PUM2: variants seen among roughly 807,000 people sequenced by gnomAD.
PUM2 encodes pumilio homolog 2.
Under a neutral mutation model 124.5 loss-of-function variants are expected in PUM2, and 57 were observed. That is an observed-to-expected ratio of 0.46 (90% CI 0.37 to 0.57). PUM2 has a LOEUF of 0.57. Ranked by LOEUF, PUM2 falls within the 20% of genes least tolerant of loss-of-function variation. PUM2 has a pLI of 0.00. For synonymous variants in PUM2, 460 were observed against 446.1 expected (o/e 1.03, Z -0.39); for missense variants, 1,065 against 1,290.6 (o/e 0.83, Z 2.68).
Position 20,303,755 on chromosome 2 carries a change from G to A in PUM2, c.883+4223C>T, listed in dbSNP as rs62123456. On this transcript the variant is annotated intron_variant, in intron 7 of 20. Transcript: ENST00000361078. ...CGTTTTATATCCTAATTCATTTAGCGGTAGGTGATAGCCAATTATGCAGCT... is the reference window on the plus strand; with the variant it reads ...CGTTTTATATCCTAATTCATTTAGCAGTAGGTGATAGCCAATTATGCAGCT... Among the ~76,000 whole-genome samples the A allele has an allele frequency of 4.7e-3, 719 of 152,200 alleles. 2 individuals are homozygous for A. Among genetic ancestry groups the A allele is most frequent in the Middle Eastern group, 0.02 (6 of 294 alleles).
In PUM2 at chr2:20,283,167, C is replaced by T. The variant is rs1479040906; in HGVS notation, c.1500G>A (p.Arg500=). The T allele has an allele frequency of 1.2e-6, 2 of 1,614,064 alleles. No homozygotes were observed. The highest frequency in any genetic ancestry group is 1.3e-5 in the African/African-American group (1 of 75,042). Residue 500 remains arginine (R), a synonymous_variant, in exon 12 of 21, where the codon CGG becomes CGA. Coordinates refer to ENST00000361078, the MANE Select transcript of PUM2 (RefSeq NM_015317.5). The part of the protein sequence containing the change: ...SLTGSTNGLF[R]PIGTQPPQQQ... ...GCTGTGGTGGCTGAGTGCCAATTGGCCGAAACAGACCATTTGTGCTGCCTG... is the reference window on the plus strand; with the variant it reads ...GCTGTGGTGGCTGAGTGCCAATTGGTCGAAACAGACCATTTGTGCTGCCTG...
chr2:20,260,059 C>T (rs543315953), intron 15 of PUM2, among the ~76,000 whole-genome samples: 1 of 152,278 alleles, frequency 6.6e-6, no homozygotes, highest in Admixed American at 6.5e-5. Flanking sequence ...TTTTCATGGC[C>T]TATGTGGCCT....
At chr2:20,290,541 C>G in intron 10 of PUM2, 111 bp downstream of exon 10, 1 of 1,150,128 alleles carries the variant, frequency 8.7e-7, no homozygotes, top group Non-Finnish European at 1.2e-6. Flanking sequence ...TATTTTGTTA[C>G]AAGGTAGGCA....
chr2:20,253,954 G>T lies in PUM2; in HGVS notation c.2931C>A (p.Asp977Glu), dbSNP rs367960155. The change falls in exon 20 of 21, where the codon GAC (aspartate) becomes GAA (glutamate). Residue 977 changes from aspartate to glutamate, a missense_variant. Asp to Glu is a conservative substitution (Grantham distance 45, BLOSUM62 2). This residue lies in a region of PUM2 where 968 missense variants were observed against 1,159.8 expected (regional missense o/e 0.83). Coordinates refer to ENST00000361078, the MANE Select transcript of PUM2 (RefSeq NM_015317.5). ...GACCATCATTCTGGCAGCAAACCTCGTCAATCAGTAAAGCTCTCTCAGCAC... is the reference window on the plus strand; with the variant it reads ...GACCATCATTCTGGCAGCAAACCTCTTCAATCAGTAAAGCTCTCTCAGCAC... Reference protein sequence around the residue: ...ASRAERALLIDEVCCQNDGPH... With the variant: ...ASRAERALLIEEVCCQNDGPH... The T allele has an allele frequency of 6.2e-7, 1 of 1,613,922 alleles. No homozygotes were observed. Among genetic ancestry groups the T allele is most frequent in the African/African-American group, 1.3e-5 (1 of 74,892 alleles).
chr2:20,298,919 C>A (rs1676302247), intron 7 of PUM2, among the ~76,000 whole-genome samples: 1 of 152,156 alleles, frequency 6.6e-6, no homozygotes, highest in Non-Finnish European at 1.5e-5. Flanking sequence ...CTTACTAGGC[C>A]TTAAAATCAA....
At chr2:20,337,639 T>G (rs918301614) in intron 1 of PUM2, among the ~76,000 whole-genome samples, 1 of 152,228 alleles carries the variant, frequency 6.6e-6, no homozygotes, top group African/African-American at 2.4e-5. Context: ...AGTTACACAA[T>G]TCAGACAAAA....
At chr2:20,320,537 T>C (rs1375909794) in intron 2 of PUM2, among the ~76,000 whole-genome samples, 1 of 152,124 alleles carries the variant, frequency 6.6e-6, no homozygotes. Context: ...ACTAAATGTT[T>C]TAATTAAAAA....
intron 12 of PUM2, among the ~76,000 whole-genome samples, chr2:20,282,190 G>A (rs143497237): frequency 3.1e-4 from 47 of 152,284 alleles, no homozygotes; most frequent in African/African-American, 1.1e-3. Flanking sequence ...AAAACACCAA[G>A]TGTATCAACA....
intron 1 of PUM2, among the ~76,000 whole-genome samples, chr2:20,330,612 C>T (rs1256932898): frequency 6.6e-6 from 1 of 152,202 alleles, no homozygotes; most frequent in Non-Finnish European, 1.5e-5. Flanking sequence ...CATCCTAATG[C>T]ATCTCTTCCA....
chr2:20,326,164 A>T, intron 2 of PUM2: 1 of 1,091,328 alleles, frequency 9.2e-7, no homozygotes. Flanking sequence ...AAAAAAATTC[A>T]ATTTCTTCAA....
chr2:20,300,880 C>T (rs1259627380), intron 7 of PUM2, among the ~76,000 whole-genome samples: 9 of 151,984 alleles, frequency 5.9e-5, no homozygotes, highest in Non-Finnish European at 1.2e-4. Flanking sequence ...TCAAAGTCAT[C>T]GCTCTGCTCA....
At chr2:20,350,309 G>T (rs960835540) in intron 1 of PUM2, 34 of 279,572 alleles carry the variant, frequency 1.2e-4, no homozygotes, top group Non-Finnish European at 1.6e-4. Context: ...ATCGGAGGGA[G>T]AACCGGGTCG....
At chr2:20,285,493 G>A (rs554939832) in intron 10 of PUM2, among the ~76,000 whole-genome samples, 37 of 152,178 alleles carry the variant, frequency 2.4e-4, no homozygotes, top group South Asian at 1.0e-3. Context: ...TACCTTTTAC[G>A]TATTGGGAAA....
intron 12 of PUM2, 149 bp downstream of exon 12, chr2:20,282,798 A>G (rs1435613571): frequency 7.6e-6 from 7 of 920,248 alleles, no homozygotes; most frequent in East Asian, 2.7e-5. Flanking sequence ...GATTTGCAGG[A>G]TTTTTTTTTC....
intron 1 of PUM2, among the ~76,000 whole-genome samples, chr2:20,347,839 G>A (rs1688540169): frequency 6.6e-6 from 1 of 152,168 alleles, no homozygotes; most frequent in African/African-American, 2.4e-5. Flanking sequence ...TGGAAATGGG[G>A]AGTCTAACTT....
chr2:20,334,147 A>AT (rs1163670545), intron 1 of PUM2, among the ~76,000 whole-genome samples: 4 of 151,944 alleles, frequency 2.6e-5, no homozygotes, highest in African/African-American at 4.8e-5. Context: ...TACAAAAAAA[A>AT]TTTTTTTTTA....
intron 1 of PUM2, among the ~76,000 whole-genome samples, chr2:20,345,650 G>A (rs929277031): frequency 6.6e-6 from 1 of 151,634 alleles, no homozygotes; most frequent in Admixed American, 6.6e-5. Context: ...GAAGCAGGTG[G>A]ATCACTTGAG....
intron 3 of PUM2, among the ~76,000 whole-genome samples, chr2:20,314,303 C>G (rs1049171058): frequency 1.3e-5 from 2 of 152,154 alleles, no homozygotes; most frequent in Middle Eastern, 6.8e-3. Flanking sequence ...AGTAATACCA[C>G]AGAATTTTCT....
chr2:20,318,195 T>A (rs770126160), intron 3 of PUM2, among the ~76,000 whole-genome samples: 1 of 152,212 alleles, frequency 6.6e-6, no homozygotes, highest in Non-Finnish European at 1.5e-5. Context: ...CTCACCAGCA[T>A]CTTATTTTTT....
Sources: gnomAD v4.1 joint callset for allele counts (sites outside exome capture counted in the v4.1 genomes callset) on GRCh38, gnomAD v4.1.1 for gene constraint, gnomAD v4.1.1 regional missense constraint, MANE v1.5 for transcripts, NCBI Gene and HGNC (gene_info 2026-07-23, HGNC 2026-07-21) for gene names.